NXPE2: variants seen among roughly 807,000 people sequenced by gnomAD.
NXPE2 encodes the protein neurexophilin and PC-esterase domain family member 2, also known as NXPE family member 2.
A neutral mutation model predicts 34.4 loss-of-function variants in NXPE2; 34 were observed. The observed-to-expected ratio is 0.99, with a 90% confidence interval of 0.75 to 1.31. NXPE2 has a LOEUF of 1.31. NXPE2 is among the 40% of genes most tolerant of loss of function. NXPE2 has a pLI of 0.00. For synonymous variants in NXPE2, 235 were observed against 231.3 expected (o/e 1.02, Z -0.15); for missense variants, 649 against 672.5 (o/e 0.97, Z 0.39).
chr11:114,780,660 G>GA, the NXPE2 span, among the ~76,000 whole-genome samples: 280 of 152,178 alleles, frequency 1.8e-3, 2 homozygotes, highest in Middle Eastern at 0.014. Flanking sequence ...TGTAAGAGAA[G>GA]AAAAAAACAA....
rs1215079241 is a variant in NXPE2 at position 114,698,773 on chromosome 11, C to T, written c.861C>T (p.Phe287=). 1 of 1,547,024 alleles carries T rather than the reference C, an allele frequency of 6.5e-7. No individual in the cohort carries two copies. The highest frequency in any genetic ancestry group is 1.2e-5 in the South Asian group (1 of 81,100). ...SYLSKEEWRL[F]HRSNIGVEMM... ...TTAGCAAGGAAGAATGGAGGCTTTT[C>T]CACAGGTAAAGAGGCTTTTAAATAC... Residue 287 remains phenylalanine, a synonymous_variant, in exon 3 of 6, where the codon TTC becomes TTT. Coordinates refer to ENST00000389586, the MANE Select transcript of NXPE2 (RefSeq NM_182495.6).
At chr11:114,522,295 G>T in the NXPE2 span, 1 of 1,614,090 alleles carries the variant, frequency 6.2e-7, no homozygotes, top group Non-Finnish European at 8.5e-7. Context: ...TAAAGTGCTG[G>T]CCAAAGGTGA....
At chr11:114,741,509 T>TC in the NXPE2 span, among the ~76,000 whole-genome samples, 1 of 152,152 alleles carries the variant, frequency 6.6e-6, no homozygotes, top group Non-Finnish European at 1.5e-5. Context: ...CACTCCTTTT[T>TC]GTTTTTTCCT....
At chr11:114,578,421 T>G in the NXPE2 span, among the ~76,000 whole-genome samples, 1 of 152,328 alleles carries the variant, frequency 6.6e-6, no homozygotes, top group South Asian at 2.1e-4. Context: ...AGAGAATCAC[T>G]GTTACAGAAT....
chr11:114,635,006 C>G, the NXPE2 span, among the ~76,000 whole-genome samples: 1 of 151,926 alleles, frequency 6.6e-6, no homozygotes, highest in African/African-American at 2.4e-5. Context: ...TGAAGAAAGT[C>G]ATTGGTAGCT....
At chr11:114,680,622 C>A (rs747719487) in intron 2 of NXPE2, among the ~76,000 whole-genome samples, 4 of 151,956 alleles carry the variant, frequency 2.6e-5, no homozygotes, top group Non-Finnish European at 2.9e-5. Flanking sequence ...TAGTGTTTCA[C>A]AAAGTGAAGT....
At chr11:114,641,163 A>T in the NXPE2 span, among the ~76,000 whole-genome samples, 1 of 152,036 alleles carries the variant, frequency 6.6e-6, no homozygotes, top group African/African-American at 2.4e-5. Flanking sequence ...GAGCTGGAAG[A>T]TTAGGCTGAA....
chr11:114,695,188 G>C (rs79123421), intron 2 of NXPE2, among the ~76,000 whole-genome samples: 2,233 of 152,146 alleles, frequency 0.015, 42 homozygotes, highest in African/African-American at 0.051. Flanking sequence ...TTCATCCTTG[G>C]GTGTTTCTAG....
At chr11:114,522,521 A>T in the NXPE2 span, 1 of 1,546,664 alleles carries the variant, frequency 6.5e-7, no homozygotes, top group Non-Finnish European at 8.8e-7. Flanking sequence ...AAAAACAAAT[A>T]GATGTTTTAA....
Position 114,706,869 on chromosome 11 carries a change from C to A in NXPE2, c.1619C>A (p.Ala540Asp), listed in dbSNP as rs1229265009. ...ACGATTGCATATTGCACCAACAATG[C>A]CCATCCACCGGATTATGTGATTCAA... Reference protein sequence around the residue: ...DMTIAYCTNNAHPPDYVIQNQ... With the variant: ...DMTIAYCTNNDHPPDYVIQNQ... Residue 540 changes from alanine (A) to aspartate (D), a missense_variant, in exon 6 of 6, where the codon GCC (alanine) becomes GAC (aspartate). Coordinates refer to ENST00000389586, the MANE Select transcript of NXPE2 (RefSeq NM_182495.6). 6.4e-7 allele frequency: 1 copy of A among 1,551,758 alleles called. No individual in the cohort carries two copies. Among genetic ancestry groups the A allele is most frequent in the Non-Finnish European group, 8.7e-7 (1 of 1,146,844 alleles).
the NXPE2 span, among the ~76,000 whole-genome samples, chr11:114,727,322 A>T: frequency 1.3e-5 from 2 of 151,974 alleles, no homozygotes; most frequent in Admixed American, 6.6e-5. Flanking sequence ...TATCTTCAGG[A>T]GTAAGAAAAA....
chr11:114,544,187 T>C, the NXPE2 span, among the ~76,000 whole-genome samples: 2 of 152,176 alleles, frequency 1.3e-5, no homozygotes, highest in Admixed American at 1.3e-4. Flanking sequence ...TCAATACCAT[T>C]TCAATAAAAA....
the NXPE2 span, among the ~76,000 whole-genome samples, chr11:114,714,504 G>A: frequency 6.6e-6 from 1 of 152,196 alleles, no homozygotes; most frequent in Non-Finnish European, 1.5e-5. Context: ...ACTCAAAACT[G>A]AGAAGGCAGA....
downstream of NXPE2, among the ~76,000 whole-genome samples, chr11:114,708,405 A>G (rs949645073): frequency 2.0e-5 from 3 of 152,134 alleles, no homozygotes; most frequent in African/African-American, 7.2e-5. Flanking sequence ...TCCTCTCATT[A>G]GAAAGATATA....
chr11:114,553,991 T>C, the NXPE2 span: 20 of 985,420 alleles, frequency 2.0e-5, no homozygotes, highest in Non-Finnish European at 2.4e-5. Context: ...AAAGTCAACT[T>C]GTCCAATTGC....
intron 3 of NXPE2, among the ~76,000 whole-genome samples, chr11:114,699,156 C>T (rs542002048): frequency 5.3e-5 from 8 of 152,230 alleles, no homozygotes; most frequent in African/African-American, 1.4e-4. Context: ...ATTGTTCAGT[C>T]GAGCTTTACC....
the NXPE2 span, among the ~76,000 whole-genome samples, chr11:114,605,259 G>A: frequency 1.9e-3 from 294 of 151,252 alleles, 1 homozygote; most frequent in African/African-American, 5.3e-3. Context: ...GTACAGCCTC[G>A]TGGGAAACCA....
chr11:114,613,252 T>C, the NXPE2 span, among the ~76,000 whole-genome samples: 1 of 151,958 alleles, frequency 6.6e-6, no homozygotes, highest in African/African-American at 2.4e-5. Context: ...ACCCGGTGGA[T>C]AATAAGCATT....
At chr11:114,705,002 G>A (rs571462573) in intron 4 of NXPE2, among the ~76,000 whole-genome samples, 1 of 152,204 alleles carries the variant, frequency 6.6e-6, no homozygotes, top group South Asian at 2.1e-4. Context: ...TATTCAATAC[G>A]AACAAATGTA....
Sources: gnomAD v4.1 joint callset for allele counts (sites outside exome capture counted in the v4.1 genomes callset) on GRCh38, gnomAD v4.1.1 for gene constraint, MANE v1.5 for transcripts, NCBI Gene and HGNC (gene_info 2026-07-23, HGNC 2026-07-21) for gene names.